LSAMP: variants seen among roughly 807,000 people sequenced by gnomAD.
LSAMP encodes the protein limbic system-associated membrane protein.
In LSAMP, 7 loss-of-function variants were observed where a neutral mutation model predicts 38.6. The ratio of observed to expected loss-of-function variants is 0.18; its 90% CI spans 0.10 to 0.34. The LOEUF is 0.34. Among genes scored for constraint, LSAMP ranks in the 10% least tolerant of loss-of-function variants. The pLI is 1.00. For missense variants in LSAMP, 313 were observed against 420.0 expected, an observed-to-expected ratio of 0.75 and a Z score of 2.23; for synonymous variants, 154 against 166.8, an observed-to-expected ratio of 0.92 and a Z score of 0.59.
chr3:116,291,271 G>A lies in LSAMP; in HGVS notation c.155+153606C>T, dbSNP rs2047263670. 2.6e-5 allele frequency among the ~76,000 whole-genome samples: 4 copies of A among 152,126 alleles called. No homozygotes were observed. In the South Asian group the frequency reaches 8.3e-4, roughly 32 times the overall value. On this transcript the variant is annotated intron_variant, in intron 1 of 6. Transcript: ENST00000490035. ...GATAACAGTCAGCTTAGATTTTCTG[G>A]GAGTATAGCTAGGTCTTTGAGGACT...
intron 3 of LSAMP, among the ~76,000 whole-genome samples, chr3:115,954,413 A>G (rs1938389616): frequency 6.6e-6 from 1 of 152,234 alleles, no homozygotes; most frequent in Admixed American, 6.5e-5. Flanking sequence ...ATAGACAGGT[A>G]CAGGGATACT....
chr3:116,130,844 CCTTTTCCTCT>C (rs776335931), intron 1 of LSAMP, among the ~76,000 whole-genome samples: 2 of 151,956 alleles, frequency 1.3e-5, no homozygotes, highest in Non-Finnish European at 2.9e-5. Context: ...TTTTCTTCCC[CCTTTTCCTCT>C]CTTTTCCTCC....
intron 3 of LSAMP, among the ~76,000 whole-genome samples, chr3:115,892,373 C>CATT (rs1426270050): frequency 2.0e-5 from 3 of 151,994 alleles, no homozygotes; most frequent in African/African-American, 4.8e-5. Flanking sequence ...GTAGAATAGA[C>CATT]TCTAAACATT....
intron 1 of LSAMP, among the ~76,000 whole-genome samples, chr3:116,301,639 C>T (rs896314273): frequency 2.6e-5 from 4 of 152,066 alleles, no homozygotes; most frequent in Non-Finnish European, 4.4e-5. Flanking sequence ...TGGATTGAGT[C>T]ACTGGAGATA....
intron 1 of LSAMP, 115 bp from the exon 2 acceptor site, chr3:116,086,671 A>G: frequency 1.3e-6 from 1 of 761,232 alleles, no homozygotes; most frequent in Non-Finnish European, 2.2e-6. Context: ...TGCAGAATGA[A>G]TTATTGCCAT....
chr3:116,181,090 A>G (rs963772426), intron 1 of LSAMP, among the ~76,000 whole-genome samples: 1 of 152,050 alleles, frequency 6.6e-6, no homozygotes, highest in East Asian at 1.9e-4. Flanking sequence ...AAGAAGTAGT[A>G]TTTGTTTTAA....
At chr3:116,066,882 C>A (rs1174546981) in intron 2 of LSAMP, among the ~76,000 whole-genome samples, 1 of 152,068 alleles carries the variant, frequency 6.6e-6, no homozygotes, top group Non-Finnish European at 1.5e-5. Context: ...TCTTCATGTT[C>A]TTTTTATCCA....
At chr3:116,086,265 T>C in intron 2 of LSAMP, 59 bp downstream of exon 2, 2 of 1,283,294 alleles carry the variant, frequency 1.6e-6, no homozygotes, top group Non-Finnish European at 1.1e-6. Flanking sequence ...ATTTTGTACA[T>C]TATTATTCTG....
chr3:116,341,148 T>C (rs2047989707), intron 1 of LSAMP, among the ~76,000 whole-genome samples: 2 of 152,016 alleles, frequency 1.3e-5, no homozygotes, highest in South Asian at 4.1e-4. Context: ...ATGGAGTCTC[T>C]ATGAAAATAT....
intron 1 of LSAMP, among the ~76,000 whole-genome samples, chr3:116,157,413 C>T (rs1709778860): frequency 6.6e-6 from 1 of 152,036 alleles, no homozygotes; most frequent in Non-Finnish European, 1.5e-5. Flanking sequence ...GGTTATGTTC[C>T]CTAATGCTGC....
intron 3 of LSAMP, among the ~76,000 whole-genome samples, chr3:116,019,312 C>A (rs1417209269): frequency 6.6e-6 from 1 of 152,016 alleles, no homozygotes; most frequent in Non-Finnish European, 1.5e-5. Context: ...TTAGCAAAGA[C>A]CATGAGGACC....
At chr3:116,358,786 C>T (rs770870981) in intron 1 of LSAMP, among the ~76,000 whole-genome samples, 28 of 152,088 alleles carry the variant, frequency 1.8e-4, no homozygotes, top group Non-Finnish European at 3.7e-4. Context: ...AAAGATACTA[C>T]TGGTTTTAAT....
chr3:116,315,234 A>G (rs1343330887), intron 1 of LSAMP, among the ~76,000 whole-genome samples: 1 of 152,166 alleles, frequency 6.6e-6, no homozygotes, highest in African/African-American at 2.4e-5. Flanking sequence ...AGATGCACTC[A>G]GAGGCCTACT....
chr3:116,221,390 A>C (rs2107617011), intron 1 of LSAMP, among the ~76,000 whole-genome samples: 1 of 152,266 alleles, frequency 6.6e-6, no homozygotes, highest in East Asian at 1.9e-4. Flanking sequence ...GAACCTCAGG[A>C]TTCCAAGCTA....
chr3:116,184,779 T>C (rs986992064), intron 1 of LSAMP, among the ~76,000 whole-genome samples: 2 of 151,906 alleles, frequency 1.3e-5, no homozygotes, highest in Admixed American at 1.3e-4. Context: ...GCTTGCTTGG[T>C]GCTGAATCTT....
chr3:116,027,264 G>A (rs930892685), intron 2 of LSAMP, among the ~76,000 whole-genome samples: 1 of 152,146 alleles, frequency 6.6e-6, no homozygotes, highest in African/African-American at 2.4e-5. Context: ...TCCTGATTTT[G>A]AAGTGATTTG....
At chr3:116,416,782 T>C (rs35061171) in intron 1 of LSAMP, among the ~76,000 whole-genome samples, 23,038 of 151,248 alleles carry the variant, frequency 0.15, 2,033 homozygotes, top group Middle Eastern at 0.25. Context: ...ACGTGCAGCA[T>C]AAGGGCAGAG....
Position 116,228,623 on chromosome 3 carries a change from C to T in LSAMP, c.156-142067G>A, listed in dbSNP as rs575884875. On this transcript the variant is annotated intron_variant, in intron 1 of 6. Transcript: ENST00000490035. ...GCTGTAACTATTACTATGATTCTTA[C>T]CAGTATTGCTGTGTTGTTATTGTGG... is the stretch of plus-strand genomic sequence containing the variant. Among the ~76,000 whole-genome samples the T allele has an allele frequency of 1.1e-4, 16 of 152,174 alleles. No individual in the cohort carries two copies. In the East Asian group the frequency reaches 3.1e-3, roughly 29 times the overall value.
chr3:116,298,245 A>G (rs768175428), intron 1 of LSAMP, among the ~76,000 whole-genome samples: 6 of 152,174 alleles, frequency 3.9e-5, no homozygotes, highest in Non-Finnish European at 7.3e-5. Flanking sequence ...TCTGGTTCCA[A>G]CAGAAATCCC....
Sources: allele counts gnomAD v4.1 joint callset (sites outside exome capture counted in the v4.1 genomes callset), GRCh38; gene constraint gnomAD v4.1.1; transcripts MANE v1.5; gene names NCBI Gene and HGNC (gene_info 2026-07-23, HGNC 2026-07-21).